The following EPHA5 variants were observed in gnomAD, a reference collection of about 807,000 sequenced individuals.
The protein encoded by EPHA5 is ephrin type-A receptor 5.
EPHA5 carries 60 observed loss-of-function variants against 105.0 expected under a neutral mutation model. The observed-to-expected ratio is 0.57, with a 90% CI of 0.46 to 0.71. EPHA5 has a LOEUF of 0.71. Ranked by LOEUF, EPHA5 falls within the 30% of genes least tolerant of loss-of-function variation. The pLI, the probability that EPHA5 is intolerant of heterozygous loss-of-function variation, is 0.00. For synonymous variants in EPHA5, 513 were observed against 449.1 expected (o/e 1.14, Z -1.80); for missense variants, 1,218 against 1,274.7 (o/e 0.96, Z 0.68).
intron 3 of EPHA5, among the ~76,000 whole-genome samples, chr4:65,544,992 T>A (rs1737235410): frequency 6.6e-6 from 1 of 151,490 alleles, no homozygotes; most frequent in Admixed American, 6.6e-5. Context: ...TTCAAACCTG[T>A]GTTCCTTCTC....
chr4:65,352,487 A>G (rs1401936128), intron 12 of EPHA5, among the ~76,000 whole-genome samples: 1 of 152,042 alleles, frequency 6.6e-6, no homozygotes, highest in Non-Finnish European at 1.5e-5. Flanking sequence ...AGATTTGCAC[A>G]TGAAGAAAAT....
At chr4:65,448,027 T>C (rs1457493280) in intron 5 of EPHA5, among the ~76,000 whole-genome samples, 1 of 152,044 alleles carries the variant, frequency 6.6e-6, no homozygotes, top group Non-Finnish European at 1.5e-5. Flanking sequence ...ATCATGATGA[T>C]TTCCAAAACC....
intron 13 of EPHA5, among the ~76,000 whole-genome samples, chr4:65,350,074 A>G (rs1272417529): frequency 6.6e-6 from 1 of 152,072 alleles, no homozygotes; most frequent in Non-Finnish European, 1.5e-5. Flanking sequence ...ATCTTGAAAA[A>G]TCTACTTTTT....
At chr4:65,501,704 A>C (rs1396982401) in intron 3 of EPHA5, among the ~76,000 whole-genome samples, 1 of 151,740 alleles carries the variant, frequency 6.6e-6, no homozygotes. Flanking sequence ...ATTCAATACT[A>C]TTTCTATTAA....
intron 2 of EPHA5, among the ~76,000 whole-genome samples, chr4:65,622,538 A>T (rs1745793302): frequency 6.6e-6 from 1 of 152,146 alleles, no homozygotes. Context: ...TTCTTTAAAA[A>T]CTGAAAATAA....
chr4:65,539,030 G>T (rs1422666184), intron 3 of EPHA5, among the ~76,000 whole-genome samples: 1 of 151,688 alleles, frequency 6.6e-6, no homozygotes, highest in Non-Finnish European at 1.5e-5. Context: ...GAGCTGTTGT[G>T]TTTTATGTTC....
At chr4:65,351,263 C>T in intron 13 of EPHA5, 126 bp downstream of exon 13, 1 of 803,452 alleles carries the variant, frequency 1.2e-6, no homozygotes, top group Non-Finnish European at 1.9e-6. Context: ...CTCTCCCTCT[C>T]CCCCTCATTC....
intron 6 of EPHA5, among the ~76,000 whole-genome samples, chr4:65,415,932 G>T (rs2149025680): frequency 6.6e-6 from 1 of 151,962 alleles, no homozygotes; most frequent in African/African-American, 2.4e-5. Context: ...ATTTTTCTGA[G>T]AATGCACAGG....
intron 16 of EPHA5, among the ~76,000 whole-genome samples, chr4:65,325,147 T>TTCTTGAGAAATTTCCTTATTCAA (rs1719955184): frequency 6.6e-6 from 1 of 151,424 alleles, no homozygotes; most frequent in Non-Finnish European, 1.5e-5. Context: ...CTCAAGGTAA[T>TTCTTGAGAAATTTCCTTATTCAA]TACCTTATTG....
In EPHA5 at chr4:65,422,745, A is replaced by G. The variant is rs112208066; in HGVS notation, c.1403-2180T>C. Among the ~76,000 whole-genome samples, 694 of 152,158 alleles carry G rather than the reference A, an allele frequency of 4.6e-3. 5 individuals are homozygous for G. Among genetic ancestry groups the G allele is most frequent in the African/African-American group, 0.015 (630 of 41,526 alleles). On this transcript the variant is annotated intron_variant, in intron 5 of 16. Coordinates refer to ENST00000613740, the MANE Select transcript of EPHA5 (RefSeq NM_001281766.3). ...CAAAATGGAGATCCTTTAGGCTACTACAGTTCCCATTATGAACTGATTGCC... is the reference window on the plus strand; with the variant it reads ...CAAAATGGAGATCCTTTAGGCTACTGCAGTTCCCATTATGAACTGATTGCC...
intron 3 of EPHA5, among the ~76,000 whole-genome samples, chr4:65,598,196 T>C (rs888405836): frequency 5.3e-5 from 8 of 152,150 alleles, no homozygotes; most frequent in Non-Finnish European, 1.5e-5. Context: ...TCTGTAAAAT[T>C]CACTAAATTG....
chr4:65,543,115 A>G (rs1483851956), intron 3 of EPHA5, among the ~76,000 whole-genome samples: 1 of 152,104 alleles, frequency 6.6e-6, no homozygotes, highest in African/African-American at 2.4e-5. Flanking sequence ...AGCCAATATC[A>G]TACTGAATAG....
At chr4:65,471,881 G>A (rs1039362574) in intron 5 of EPHA5, among the ~76,000 whole-genome samples, 3 of 151,840 alleles carry the variant, frequency 2.0e-5, no homozygotes, top group Non-Finnish European at 4.4e-5. Context: ...TCCTTCCCTG[G>A]CCCCTCCCAA....
intron 3 of EPHA5, among the ~76,000 whole-genome samples, chr4:65,516,908 T>A (rs1421156194): frequency 6.9e-6 from 1 of 145,382 alleles, no homozygotes; most frequent in African/African-American, 2.5e-5. Context: ...CAGCACAGCA[T>A]GTGGTTTATT....
intron 3 of EPHA5, among the ~76,000 whole-genome samples, chr4:65,596,154 C>A (rs1351019346): frequency 1.3e-5 from 2 of 152,144 alleles, no homozygotes; most frequent in African/African-American, 4.8e-5. Flanking sequence ...GCAAAGGTAT[C>A]CAGTCCATAA....
At chr4:65,603,476 T>TA (rs61048186) in intron 2 of EPHA5, among the ~76,000 whole-genome samples, 4,887 of 151,752 alleles carry the variant, frequency 0.032, 256 homozygotes, top group African/African-American at 0.11. Flanking sequence ...GTATTGTAGA[T>TA]AAAAAAAACT....
chr4:65,494,919 T>C (rs1731767882), intron 4 of EPHA5, among the ~76,000 whole-genome samples: 2 of 151,570 alleles, frequency 1.3e-5, no homozygotes, highest in Non-Finnish European at 1.5e-5. Context: ...CTCCATCAGC[T>C]ACATAATTAT....
chr4:65,408,384 A>C (rs2149001295), intron 7 of EPHA5, among the ~76,000 whole-genome samples: 1 of 152,206 alleles, frequency 6.6e-6, no homozygotes, highest in South Asian at 2.1e-4. Flanking sequence ...TTTTGGAAAA[A>C]CAGCTGGGAA....
chr4:65,646,833 A>C (rs981027799), intron 1 of EPHA5, among the ~76,000 whole-genome samples: 1 of 152,182 alleles, frequency 6.6e-6, no homozygotes, highest in Non-Finnish European at 1.5e-5. Context: ...ATTTATAAAA[A>C]TAAAAACAGA....
Sources: gnomAD v4.1 joint callset for allele counts (sites outside exome capture counted in the v4.1 genomes callset) on GRCh38, gnomAD v4.1.1 for gene constraint, MANE v1.5 for transcripts, NCBI Gene and HGNC (gene_info 2026-07-23, HGNC 2026-07-21) for gene names.